The following NOL10 variants were observed in gnomAD, a reference collection of about 807,000 sequenced individuals.
The protein encoded by NOL10 is nucleolar protein 10.
In NOL10, 58 loss-of-function variants were observed where a neutral mutation model predicts 103.5. That is an observed-to-expected ratio of 0.56 (90% CI 0.45 to 0.70). NOL10 has a LOEUF of 0.70. NOL10 is among the 30% of genes least tolerant of loss of function. The probability of loss-of-function intolerance (pLI) is 0.00; values close to 1 mark genes in which losing one functional copy is unlikely to be tolerated. For missense variants in NOL10, 763 were observed against 807.3 expected (o/e 0.95, Z 0.67); for synonymous variants, 287 against 282.5 (o/e 1.02, Z -0.16).
intron 13 of NOL10, among the ~76,000 whole-genome samples, chr2:10,627,458 G>A (rs1409945669): frequency 6.6e-5 from 10 of 152,022 alleles, no homozygotes; most frequent in Admixed American, 3.9e-4. Flanking sequence ...AGCAGATCAC[G>A]AGGTCAGGAG....
intron 2 of NOL10, 40 bp downstream of exon 2, chr2:10,684,527 G>T (rs376845395): frequency 5.4e-6 from 8 of 1,477,028 alleles, no homozygotes; most frequent in African/African-American, 1.4e-5. Flanking sequence ...TTAGAACATG[G>T]ATCACTAACG....
At position 10,654,342 on chromosome 2, in the gene NOL10, CA is replaced by C. The variant is rs1433817160; in HGVS notation, c.973+138del. On this transcript the variant is annotated intron_variant, in intron 12 of 20. Coordinates refer to ENST00000381685, the MANE Select transcript of NOL10 (RefSeq NM_024894.4). The stretch of plus-strand genomic sequence containing the variant: ...GTTAAATATCCAAGAATTGTGCTGA[CA>C]AAGCCAAATTCTATCTTAAGAAATA... 2.4e-5 allele frequency: 15 copies of C among 621,974 alleles called. 1 individual carries two copies. The highest frequency in any genetic ancestry group is 1.5e-4 in the South Asian group (7 of 45,290). 38.5% of individuals were successfully genotyped at this position (621,974 alleles called of 1,614,324 possible). A position where few individuals can be genotyped will look rare whatever the true frequency, so the allele number is the denominator to read the frequency against.
chr2:10,685,826 C>T (rs544676393), intron 1 of NOL10, among the ~76,000 whole-genome samples: 1 of 147,252 alleles, frequency 6.8e-6, no homozygotes, highest in Non-Finnish European at 1.5e-5. Context: ...ATAATCCCAG[C>T]ACTGAGGCAA....
intron 17 of NOL10, among the ~76,000 whole-genome samples, chr2:10,593,875 C>G (rs942725744): frequency 5.3e-5 from 8 of 152,116 alleles, no homozygotes; most frequent in Non-Finnish European, 1.2e-4. Flanking sequence ...GGCCTTTACC[C>G]CCCCAAGCAG....
At chr2:10,587,073 A>T (rs1227313637) in intron 19 of NOL10, among the ~76,000 whole-genome samples, 17 of 38,704 alleles carry the variant, frequency 4.4e-4, no homozygotes, top group Admixed American at 8.7e-4. Context: ...ATATACATAT[A>T]TATACATATA....
chr2:10,670,629 G>C (rs567095471), intron 6 of NOL10, among the ~76,000 whole-genome samples: 25 of 152,260 alleles, frequency 1.6e-4, no homozygotes, highest in Non-Finnish European at 4.4e-5. Flanking sequence ...CAGCTACTCA[G>C]GAGGCTGGGG....
rs1354899734 is a variant in NOL10, at chr2:10,657,891, C to T, written c.757G>A (p.Val253Ile). The stretch of plus-strand genomic sequence containing the variant: ...TCAGATCGAAGGTCATATAATAAAA[C>T]CTGAAAAAAAATTATTTCTGTTTAA... The part of the protein sequence containing the change: ...TMAVGTTTGQ[V>I]LLYDLRSDKP... The change falls in exon 11 of 21, where the codon GTT becomes ATT. Residue 253 changes from valine to isoleucine, a missense_variant and splice_region_variant. Val to Ile is a conservative substitution (Grantham distance 29). Coordinates refer to ENST00000381685, the MANE Select transcript of NOL10 (RefSeq NM_024894.4). The T allele has an allele frequency of 8.0e-6, 12 of 1,509,194 alleles. No individual in the cohort carries two copies. In the East Asian group the frequency reaches 3.0e-4, roughly 37 times the overall value. 93.5% of individuals were successfully genotyped at this position (1,509,194 alleles called of 1,614,324 possible).
rs780119489 is a variant in NOL10 at position 10,673,536 on chromosome 2, G to A, written c.311C>T (p.Ser104Phe). 2 of 1,597,496 alleles carry A rather than the reference G, an allele frequency of 1.3e-6. No individual in the cohort carries two copies. Among genetic ancestry groups the A allele is most frequent in the African/African-American group, 1.3e-5 (1 of 74,472 alleles). Residue 104 changes from serine (S) to phenylalanine (F), a missense_variant, in exon 5 of 21, where the codon TCT becomes TTT. By Grantham distance (155) the Ser-to-Phe change is radical. Transcript: ENST00000381685. ...DSEVVTFEIL[S>F]DDYSKIVFLH... is the part of the protein sequence containing the mutation. Reference sequence around the variant, plus strand: ...AAAACATACCTTTGAGTAGTCATCAGACAAAATTTCAAAGGTGACAACTGA... The same window carrying A: ...AAAACATACCTTTGAGTAGTCATCAAACAAAATTTCAAAGGTGACAACTGA...
intron 10 of NOL10, among the ~76,000 whole-genome samples, chr2:10,658,204 G>C (rs763096908): frequency 1.3e-5 from 2 of 152,196 alleles, no homozygotes; most frequent in African/African-American, 2.4e-5. Context: ...CTATGTACCA[G>C]GCAGTGTCAT....
At chr2:10,627,288 C>G (rs1034716248) in intron 13 of NOL10, among the ~76,000 whole-genome samples, 1 of 152,198 alleles carries the variant, frequency 6.6e-6, no homozygotes, top group African/African-American at 2.4e-5. Flanking sequence ...GATGTCTTAT[C>G]TTTCCGGATC....
At chr2:10,611,096 A>G (rs1429004516) in intron 13 of NOL10, among the ~76,000 whole-genome samples, 1 of 152,194 alleles carries the variant, frequency 6.6e-6, no homozygotes, top group Non-Finnish European at 1.5e-5. Context: ...CCCAGCAAAT[A>G]TTTCTTCAAC....
intron 13 of NOL10, among the ~76,000 whole-genome samples, chr2:10,637,926 T>C (rs1251068036): frequency 7.3e-6 from 1 of 137,560 alleles, no homozygotes; most frequent in Non-Finnish European, 1.7e-5. Context: ...CAGTGTTTTA[T>C]TTTAAACAGT....
intron 13 of NOL10, among the ~76,000 whole-genome samples, chr2:10,641,958 T>G (rs1008339280): frequency 1.3e-5 from 2 of 152,240 alleles, no homozygotes; most frequent in African/African-American, 4.8e-5. Context: ...CTATCTACTT[T>G]TGACATGCAG....
At chr2:10,607,520 CA>C (rs887243969) in intron 13 of NOL10, among the ~76,000 whole-genome samples, 2 of 152,010 alleles carry the variant, frequency 1.3e-5, no homozygotes, top group African/African-American at 4.8e-5. Flanking sequence ...TAAGAGAAAA[CA>C]ACCTCACTTA....
chr2:10,571,950 G>T lies in NOL10; in HGVS notation c.*121C>A. 2 of 1,213,678 alleles carry T rather than the reference G, an allele frequency of 1.6e-6. No homozygotes were observed. The highest frequency in any genetic ancestry group is 2.3e-6 in the Non-Finnish European group (2 of 860,308). The allele number at this position is 1,213,678 out of a possible 1,614,324, so 75.2% of individuals were successfully genotyped here. A position where few individuals can be genotyped will look rare whatever the true frequency, so the allele number is the denominator to read the frequency against. Reference sequence around the variant, plus strand: ...CAGGTTTTCAAATCTTTACCTCTGTGTACAAGAACGTACATGAACTTTAAA... The same window carrying T: ...CAGGTTTTCAAATCTTTACCTCTGTTTACAAGAACGTACATGAACTTTAAA... On this transcript the variant is annotated 3_prime_UTR_variant, in exon 21 of 21. Coordinates refer to ENST00000381685, the MANE Select transcript of NOL10 (RefSeq NM_024894.4).
intron 13 of NOL10, among the ~76,000 whole-genome samples, chr2:10,613,239 C>T (rs1676663517): frequency 6.6e-6 from 1 of 152,110 alleles, no homozygotes; most frequent in African/African-American, 2.4e-5. Context: ...CCAAAAGGAA[C>T]AGAGTTGTTT....
At chr2:10,609,545 A>G (rs556416953) in intron 13 of NOL10, among the ~76,000 whole-genome samples, 1 of 151,888 alleles carries the variant, frequency 6.6e-6, no homozygotes, top group Non-Finnish European at 1.5e-5. Context: ...GCTTGCAGTG[A>G]GCCAAGATCA....
chr2:10,624,192 T>A (rs1051564560), intron 13 of NOL10, among the ~76,000 whole-genome samples: 3 of 151,464 alleles, frequency 2.0e-5, no homozygotes, highest in Admixed American at 2.0e-4. Flanking sequence ...TTTTTTTTTT[T>A]AATTGATCAT....
At chr2:10,573,481 C>A (rs955916560) in intron 20 of NOL10, among the ~76,000 whole-genome samples, 2 of 152,106 alleles carry the variant, frequency 1.3e-5, no homozygotes, top group African/African-American at 4.8e-5. Flanking sequence ...CGTGCGCCAC[C>A]GTGCCCAGCC....
Sources: allele counts gnomAD v4.1 joint callset (sites outside exome capture counted in the v4.1 genomes callset), GRCh38; gene constraint gnomAD v4.1.1; transcripts MANE v1.5; gene names NCBI Gene and HGNC (gene_info 2026-07-23, HGNC 2026-07-21).